Variants in TRDMT1 observed in about 807,000 individuals in gnomAD.
The protein encoded by TRDMT1 is tRNA aspartic acid methyltransferase 1, also known as tRNA (cytosine(38)-C(5))-methyltransferase.
A neutral mutation model predicts 51.2 loss-of-function variants in TRDMT1; 49 were observed. The observed-to-expected ratio is 0.96, with a 90% CI of 0.76 to 1.21. The LOEUF (loss-of-function observed/expected upper bound fraction) is 1.21. Ranked by LOEUF, TRDMT1 falls within the 50% of genes most tolerant of loss-of-function variation. The pLI, the probability that TRDMT1 is intolerant of heterozygous loss-of-function variation, is 0.00. For missense variants in TRDMT1, 534 were observed against 462.3 expected (o/e 1.16, Z -1.42); for synonymous variants, 187 against 164.6 (o/e 1.14, Z -1.04).
At chr10:17,149,504 T>C (rs1838418108) in intron 10 of TRDMT1, among the ~76,000 whole-genome samples, 1 of 152,286 alleles carries the variant, frequency 6.6e-6, no homozygotes, top group African/African-American at 2.4e-5. Flanking sequence ...ATAATTTGCA[T>C]AGCATAAAAA....
chr10:17,157,314 G>GA, intron 8 of TRDMT1, 127 bp downstream of exon 8: 2 of 926,166 alleles, frequency 2.2e-6, no homozygotes, highest in South Asian at 3.9e-5. Flanking sequence ...GCAATTAAGG[G>GA]AAAATACCTC....
At chr10:17,150,979 C>T (rs2131372673) in intron 10 of TRDMT1, 7 of 984,962 alleles carry the variant, frequency 7.1e-6, no homozygotes, top group Non-Finnish European at 7.2e-6. Flanking sequence ...AAGTAAGATT[C>T]GTACAAATTA....
rs1837512747 is a variant in TRDMT1 at position 17,139,189 on chromosome 10, G to A, written c.*9851C>T. ...CATAGGTGAACCCTCCTGCCATCCT[G>A]TTCCAAATCAACCTAAAAAGGACAA... On this transcript the variant is annotated 3_prime_UTR_variant, in exon 11 of 11. Coordinates refer to ENST00000377799, the MANE Select transcript of TRDMT1 (RefSeq NM_004412.7). 1 of 985,292 alleles carries A rather than the reference G, an allele frequency of 1.0e-6. No individual in the cohort carries two copies. The highest frequency in any genetic ancestry group is 1.2e-6 in the Non-Finnish European group (1 of 829,924). The allele number at this position is 985,292 out of a possible 1,614,324, so 61.0% of individuals were successfully genotyped here. A position where few individuals can be genotyped will look rare whatever the true frequency, so the allele number is the denominator to read the frequency against.
rs1396140679 is a variant in TRDMT1 at position 17,148,862 on chromosome 10, C to T, written c.*178G>A. ...ACAATAGTTCGTATTTTATAAAATACAGTAATATAAATTTGATGAAACACA... is the reference window on the plus strand; with the variant it reads ...ACAATAGTTCGTATTTTATAAAATATAGTAATATAAATTTGATGAAACACA... On this transcript the variant is annotated 3_prime_UTR_variant, in exon 11 of 11. Coordinates refer to ENST00000377799, the MANE Select transcript of TRDMT1 (RefSeq NM_004412.7). 1 of 1,211,812 alleles carries T rather than the reference C, an allele frequency of 8.3e-7. No homozygotes were observed. The highest frequency in any genetic ancestry group is 3.2e-5 in the East Asian group (1 of 31,742). The allele number at this position is 1,211,812 out of a possible 1,614,324, so 75.1% of individuals were successfully genotyped here. A position where few individuals can be genotyped will look rare whatever the true frequency, so the allele number is the denominator to read the frequency against.
At chr10:17,170,020 T>C (rs1841754837) in intron 2 of TRDMT1, among the ~76,000 whole-genome samples, 1 of 152,140 alleles carries the variant, frequency 6.6e-6, no homozygotes, top group Non-Finnish European at 1.5e-5. Flanking sequence ...GCCATTATGA[T>C]AAGCAACTGG....
intron 10 of TRDMT1, chr10:17,152,104 A>T: frequency 7.7e-7 from 1 of 1,295,562 alleles, no homozygotes; most frequent in Non-Finnish European, 1.0e-6. Flanking sequence ...GCTCATCTGA[A>T]AAAAGGAAAA....
Position 17,147,820 on chromosome 10 carries a change from A to T in TRDMT1, c.*1220T>A, listed in dbSNP as rs1588690936. The T allele has an allele frequency of 4.9e-6, 1 of 202,358 alleles. No individual in the cohort carries two copies. The highest frequency in any genetic ancestry group is 1.8e-4 in the East Asian group (1 of 5,416). 12.5% of individuals were successfully genotyped at this position (202,358 alleles called of 1,614,324 possible). On this transcript the variant is annotated 3_prime_UTR_variant, in exon 11 of 11. Coordinates refer to ENST00000377799, the MANE Select transcript of TRDMT1 (RefSeq NM_004412.7). The stretch of plus-strand genomic sequence containing the variant: ...AAGTCCCTGCTTTCAATTCTTTTGG[A>T]TCTATAGCCAGAGGTGGAATCGCTG...
At chr10:17,200,318 A>G (rs1845981744) in intron 1 of TRDMT1, among the ~76,000 whole-genome samples, 1 of 152,246 alleles carries the variant, frequency 6.6e-6, no homozygotes, top group South Asian at 2.1e-4. Flanking sequence ...CGCGGACATT[A>G]TATCACTTTA....
At position 17,160,353 on chromosome 10, in the gene TRDMT1, T is replaced by C; in HGVS notation, c.411A>G (p.Ile137Met). ...CTTGGTACTGAAAGCCACAATTTTC[T>C]ATTGTTTGTATCAAGAGGTCTCTAA... is the stretch of plus-strand genomic sequence containing the variant. Reference protein sequence around the residue: ...SSTRDLLIQTIENCGFQYQEF... With the variant: ...SSTRDLLIQTMENCGFQYQEF... Residue 137 changes from isoleucine (I) to methionine (M), a missense_variant, in exon 6 of 11, where the codon ATA becomes ATG. Coordinates refer to ENST00000377799, the MANE Select transcript of TRDMT1 (RefSeq NM_004412.7). 1 of 1,562,928 alleles carries C rather than the reference T, an allele frequency of 6.4e-7. No individual in the cohort carries two copies. The highest frequency in any genetic ancestry group is 2.3e-5 in the East Asian group (1 of 44,006).
intron 10 of TRDMT1, 113 bp from the exon 11 acceptor site, chr10:17,149,253 G>A (rs549646014): frequency 3.9e-6 from 3 of 768,848 alleles, no homozygotes; most frequent in Non-Finnish European, 6.2e-6. Flanking sequence ...AAATCACTAA[G>A]GTCTCCATGA....
Position 17,145,814 on chromosome 10 carries a change from C to T in TRDMT1, c.*3226G>A. 2 of 985,446 alleles carry T rather than the reference C, an allele frequency of 2.0e-6. No homozygotes were observed. Among genetic ancestry groups the T allele is most frequent in the Non-Finnish European group, 2.4e-6 (2 of 829,926 alleles). The allele number at this position is 985,446 out of a possible 1,614,324, so 61.0% of individuals were successfully genotyped here. On this transcript the variant is annotated 3_prime_UTR_variant, in exon 11 of 11. Transcript: ENST00000377799. ...GATGCAGCTGGCCTGCAGAATGCAT[C>T]CTTTAGTAGGTGCTTGATATTAGAT...
intron 1 of TRDMT1, among the ~76,000 whole-genome samples, chr10:17,192,511 C>A (rs1303669066): frequency 2.0e-5 from 3 of 152,228 alleles, no homozygotes. Context: ...TCCATCACTG[C>A]CCTTTTGTTG....
chr10:17,189,053 T>C (rs1208377736), intron 1 of TRDMT1, among the ~76,000 whole-genome samples: 1 of 152,222 alleles, frequency 6.6e-6, no homozygotes, highest in East Asian at 1.9e-4. Context: ...ATCCAAGCAG[T>C]ACTTTATTGA....
chr10:17,177,175 A>ATTTTT (rs1564314696), intron 1 of TRDMT1, among the ~76,000 whole-genome samples: 1 of 30,784 alleles, frequency 3.2e-5, no homozygotes, highest in South Asian at 1.1e-3. Context: ...AGAGAAACAC[A>ATTTTT]TTTATTTTAT....
chr10:17,175,003 G>T (rs1842458318), intron 1 of TRDMT1, among the ~76,000 whole-genome samples: 1 of 152,176 alleles, frequency 6.6e-6, no homozygotes, highest in Admixed American at 6.5e-5. Context: ...ATTGAAAAGT[G>T]AGATATATTC....
intron 8 of TRDMT1, among the ~76,000 whole-genome samples, chr10:17,156,386 C>G (rs1295945890): frequency 6.6e-6 from 1 of 152,020 alleles, no homozygotes; most frequent in Admixed American, 6.6e-5. Flanking sequence ...AGGCACCCAC[C>G]ACCATGCCTG....
At chr10:17,187,888 T>C (rs1335880770) in intron 1 of TRDMT1, among the ~76,000 whole-genome samples, 17 of 152,120 alleles carry the variant, frequency 1.1e-4, no homozygotes, top group Non-Finnish European at 2.2e-4. Flanking sequence ...TATCCAAAAT[T>C]AGATTTCTGG....
At position 17,153,493 on chromosome 10, in the gene TRDMT1, C is replaced by T. The variant is rs758230604; in HGVS notation, c.1075+14G>A. The T allele has an allele frequency of 1.3e-5, 21 of 1,613,326 alleles. No individual in the cohort carries two copies. The highest frequency in any genetic ancestry group is 1.6e-5 in the Non-Finnish European group (19 of 1,179,692). On this transcript the variant is annotated intron_variant, in intron 10 of 10. Transcript: ENST00000377799. Reference sequence around the variant, plus strand: ...TAATACATGAAAGCTGAATTCTGCACGTATCCCACATACCGAACTCTGGAG... The same window carrying T: ...TAATACATGAAAGCTGAATTCTGCATGTATCCCACATACCGAACTCTGGAG...
At chr10:17,193,760 A>G (rs768627887) in intron 1 of TRDMT1, among the ~76,000 whole-genome samples, 2 of 152,218 alleles carry the variant, frequency 1.3e-5, no homozygotes, top group African/African-American at 2.4e-5. Flanking sequence ...ATTCAGTGCT[A>G]TTCCTGTCAA....
Sources: allele counts gnomAD v4.1 joint callset (sites outside exome capture counted in the v4.1 genomes callset), GRCh38; gene constraint gnomAD v4.1.1; transcripts MANE v1.5; gene names NCBI Gene and HGNC (gene_info 2026-07-23, HGNC 2026-07-21).